The following LAMA2 variants were observed in gnomAD, a reference collection of about 807,000 sequenced individuals.
LAMA2 encodes the protein laminin subunit alpha 2.
Under a neutral mutation model 364.8 loss-of-function variants are expected in LAMA2, and 269 were observed. That is an observed-to-expected ratio of 0.74 (90% CI 0.67 to 0.82). The LOEUF (loss-of-function observed/expected upper bound fraction) is 0.82. Among genes scored for constraint, LAMA2 ranks in the 40% least tolerant of loss-of-function variants. The probability of loss-of-function intolerance (pLI) is 0.00; values close to 1 mark genes in which losing one functional copy is unlikely to be tolerated. For synonymous variants in LAMA2, 1,379 were observed against 1,370.6 expected (o/e 1.01, Z -0.14); for missense variants, 3,807 against 3,873.2 (o/e 0.98, Z 0.45).
intron 14 of LAMA2, among the ~76,000 whole-genome samples, chr6:129,256,762 G>GAATATATATATA (rs1786703580): frequency 3.6e-5 from 1 of 27,758 alleles, no homozygotes; most frequent in Admixed American, 4.1e-4. Flanking sequence ...AAATTATATA[G>GAATATATATATA]CATATATATA....
At chr6:129,486,264 T>C (rs147363952) in intron 55 of LAMA2, among the ~76,000 whole-genome samples, 1 of 152,362 alleles carries the variant, frequency 6.6e-6, no homozygotes, top group Non-Finnish European at 1.5e-5. Flanking sequence ...TATATTAATA[T>C]ATCCACTTTC....
intron 40 of LAMA2, among the ~76,000 whole-genome samples, chr6:129,412,343 A>G (rs1780578105): frequency 6.6e-6 from 1 of 152,154 alleles, no homozygotes; most frequent in African/African-American, 2.4e-5. Context: ...GCTTTACTCA[A>G]AGTCTACTGA....
At chr6:129,251,955 A>G in intron 13 of LAMA2, 129 bp from the exon 14 acceptor site, 2 of 656,566 alleles carry the variant, frequency 3.0e-6, no homozygotes, top group Non-Finnish European at 5.2e-6. Flanking sequence ...TAAATAAATA[A>G]AAAATAAACA....
chr6:128,953,582 T>A (rs1304549572), intron 1 of LAMA2, among the ~76,000 whole-genome samples: 2 of 150,238 alleles, frequency 1.3e-5, no homozygotes, highest in Non-Finnish European at 2.9e-5. Flanking sequence ...CATTTAAATG[T>A]TTGTGCCCAT....
intron 7 of LAMA2, among the ~76,000 whole-genome samples, chr6:129,151,181 A>C (rs1778771021): frequency 6.6e-6 from 1 of 152,158 alleles, no homozygotes; most frequent in African/African-American, 2.4e-5. Context: ...GTGGGGCTGT[A>C]GGTGTAGGGT....
intron 35 of LAMA2, among the ~76,000 whole-genome samples, chr6:129,389,814 G>A (rs369375099): frequency 1.3e-5 from 2 of 152,132 alleles, no homozygotes; most frequent in African/African-American, 2.4e-5. Context: ...CACAAGAACA[G>A]CAAGGGGGGA....
intron 58 of LAMA2, among the ~76,000 whole-genome samples, chr6:129,493,182 A>G (rs1784968967): frequency 6.6e-6 from 1 of 152,150 alleles, no homozygotes. Context: ...TAAATAAATA[A>G]AAACTGTATC....
chr6:129,282,163 G>T (rs1197109149), intron 18 of LAMA2, among the ~76,000 whole-genome samples: 1 of 152,150 alleles, frequency 6.6e-6, no homozygotes, highest in Non-Finnish European at 1.5e-5. Context: ...AGAATTCTGT[G>T]ATCACATGAG....
intron 9 of LAMA2, among the ~76,000 whole-genome samples, chr6:129,171,516 G>A (rs1419997716): frequency 2.6e-5 from 4 of 152,148 alleles, no homozygotes; most frequent in Admixed American, 1.3e-4. Context: ...ACTCTCTTCC[G>A]GCTTGTAGAG....
At chr6:129,515,244 G>T (rs1786955226) in intron 64 of LAMA2, among the ~76,000 whole-genome samples, 1 of 152,126 alleles carries the variant, frequency 6.6e-6, no homozygotes. Context: ...TCATCATTTT[G>T]TCAAGAGGAA....
At chr6:129,077,812 C>T (rs1461089449) in intron 3 of LAMA2, among the ~76,000 whole-genome samples, 1 of 152,180 alleles carries the variant, frequency 6.6e-6, no homozygotes, top group Non-Finnish European at 1.5e-5. Flanking sequence ...ATTGCACAGG[C>T]TGACAATCAA....
intron 12 of LAMA2, among the ~76,000 whole-genome samples, chr6:129,199,877 G>A (rs1376951756): frequency 3.3e-5 from 5 of 151,870 alleles, no homozygotes; most frequent in African/African-American, 7.3e-5. Flanking sequence ...TCAGAAGTTC[G>A]AGACCACCCT....
chr6:129,505,202 T>A lies in LAMA2; in HGVS notation c.8550T>A (p.Ile2850=), dbSNP rs1476269674. 3 of 1,613,538 alleles carry A rather than the reference T, an allele frequency of 1.9e-6. No homozygotes were observed. The highest frequency in any genetic ancestry group is 3.3e-5 in the Admixed American group (2 of 60,024). The change falls in exon 61 of 65, where the codon ATT becomes ATA. Residue 2850 remains isoleucine (I), a splice_region_variant and synonymous_variant. Transcript: ENST00000421865. ...TKINDGQWHK[I]KIMRSKQEGI... ...AATGACTCCTTTCTTTTTTGTAGAT[T>A]AAGATAATGAGAAGTAAGCAAGAAG... is the stretch of plus-strand genomic sequence containing the variant.
chr6:129,079,899 AATT>A (rs1234616999), intron 3 of LAMA2, among the ~76,000 whole-genome samples: 2 of 152,164 alleles, frequency 1.3e-5, no homozygotes, highest in Non-Finnish European at 2.9e-5. Context: ...TACCTGAGAA[AATT>A]ATTATCTTTA....
intron 12 of LAMA2, among the ~76,000 whole-genome samples, chr6:129,237,233 C>G (rs995602944): frequency 6.6e-6 from 1 of 152,120 alleles, no homozygotes; most frequent in African/African-American, 2.4e-5. Context: ...GTTGTCATTT[C>G]CATCATCATT....
chr6:129,041,862 G>A (rs1034898155), intron 1 of LAMA2, among the ~76,000 whole-genome samples: 2 of 152,064 alleles, frequency 1.3e-5, no homozygotes, highest in African/African-American at 4.8e-5. Context: ...AGGCCAGCAC[G>A]GTGCTGCATG....
intron 4 of LAMA2, among the ~76,000 whole-genome samples, chr6:129,140,523 G>A: frequency 6.6e-6 from 1 of 152,040 alleles, no homozygotes. Context: ...GAAGACACTA[G>A]AGGCTGCCAC....
intron 22 of LAMA2, among the ~76,000 whole-genome samples, chr6:129,311,190 C>T (rs1292088005): frequency 6.6e-6 from 1 of 151,858 alleles, no homozygotes; most frequent in African/African-American, 2.4e-5. Flanking sequence ...GGCGCGATCT[C>T]GGCTCACTGC....
At chr6:128,929,850 T>TG in intron 1 of LAMA2, 1 of 1,012,976 alleles carries the variant, frequency 9.9e-7, no homozygotes, top group South Asian at 1.3e-5. Context: ...GTGAAAAACT[T>TG]GCCTGAAGAC....
Sources: gnomAD v4.1 joint callset for allele counts (sites outside exome capture counted in the v4.1 genomes callset) on GRCh38, gnomAD v4.1.1 for gene constraint, MANE v1.5 for transcripts, NCBI Gene and HGNC (gene_info 2026-07-23, HGNC 2026-07-21) for gene names.